Variants in BCO2 observed in about 807,000 individuals in gnomAD.
The protein encoded by BCO2 is beta-carotene oxygenase 2.
Under a neutral mutation model 65.8 loss-of-function variants are expected in BCO2, and 56 were observed. The ratio of observed to expected loss-of-function variants is 0.85; its 90% confidence interval spans 0.69 to 1.06. BCO2 has a LOEUF of 1.06. Among genes scored for constraint, BCO2 ranks in the 50% least tolerant of loss-of-function variants. The pLI is 0.00. For synonymous variants in BCO2, 233 were observed against 242.3 expected, an observed-to-expected ratio of 0.96 and a Z score of 0.36; for missense variants, 675 against 698.5, an observed-to-expected ratio of 0.97 and a Z score of 0.38.
rs1203055996 is a variant in BCO2, at chr11:112,184,728, G to A, written c.293+5246G>A. Among the ~76,000 whole-genome samples the A allele has an allele frequency of 5.9e-5, 9 of 151,684 alleles. No homozygotes were observed. The South Asian group carries it at 6.3e-4, about 11-fold the overall frequency. ...ACAAATTTTAGCCCAATTTTCTTGA[G>A]TCATTATCTTTCTGCAGCAGCAGAG... On this transcript the variant is annotated intron_variant, in intron 2 of 11. Transcript: ENST00000357685.
chr11:112,177,153 T>C (rs1348225379), intron 1 of BCO2, among the ~76,000 whole-genome samples: 1 of 152,200 alleles, frequency 6.6e-6, no homozygotes, highest in Non-Finnish European at 1.5e-5. Context: ...ATACCTGACC[T>C]TAGGGAATTT....
intron 8 of BCO2, among the ~76,000 whole-genome samples, chr11:112,206,488 G>A (rs762117907): frequency 7.2e-5 from 11 of 152,178 alleles, no homozygotes; most frequent in Non-Finnish European, 1.6e-4. Context: ...GCCAGGTGTG[G>A]TGGCTCACGC....
Position 112,216,398 on chromosome 11 carries a change from GCA to G in BCO2, c.1626+72_1626+73del. 2.7e-6 allele frequency: 3 copies of G among 1,126,670 alleles called. No individual in the cohort carries two copies. The Admixed American group carries it at 5.3e-5, about 20-fold the overall frequency. The allele number at this position is 1,126,670 out of a possible 1,614,324, so 69.8% of individuals were successfully genotyped here. A position where few individuals can be genotyped will look rare whatever the true frequency, so the allele number is the denominator to read the frequency against. ...CTGAGTCATCTGATAAATCAAGGAT[GCA>G]CACTCATCTGTCGATAGTTTACTTT... On this transcript the variant is annotated intron_variant, in intron 11 of 11. Coordinates refer to ENST00000357685, the MANE Select transcript of BCO2 (RefSeq NM_031938.7).
At chr11:112,189,028 C>G (rs11214121) in intron 2 of BCO2, among the ~76,000 whole-genome samples, 19,566 of 151,566 alleles carry the variant, frequency 0.13, 1,473 homozygotes, top group East Asian at 0.39. Flanking sequence ...TTAACATGGT[C>G]AAGAAGAAAA....
intron 8 of BCO2, among the ~76,000 whole-genome samples, chr11:112,206,405 G>T (rs1859341581): frequency 6.6e-6 from 1 of 152,238 alleles, no homozygotes; most frequent in African/African-American, 2.4e-5. Flanking sequence ...GCGGCGGCCG[G>T]CTTTTCCCAT....
chr11:112,191,529 G>C (rs1592845006), intron 2 of BCO2, among the ~76,000 whole-genome samples: 1 of 152,234 alleles, frequency 6.6e-6, no homozygotes, highest in East Asian at 1.9e-4. Flanking sequence ...CAACATCATA[G>C]AGATGTCCCA....
chr11:112,207,097 A>G (rs1040377618), intron 8 of BCO2, among the ~76,000 whole-genome samples: 15 of 152,194 alleles, frequency 9.9e-5, no homozygotes, highest in African/African-American at 3.1e-4. Flanking sequence ...TGGATTTTCT[A>G]TGTGCACAGT....
chr11:112,216,352 C>A, intron 11 of BCO2, 22 bp downstream of exon 11: 1 of 1,564,496 alleles, frequency 6.4e-7, no homozygotes, highest in Non-Finnish European at 8.8e-7. Flanking sequence ...TCCCTATCAC[C>A]AGTCAGAAAG....
intron 2 of BCO2, among the ~76,000 whole-genome samples, chr11:112,190,672 T>C (rs1025948322): frequency 3.8e-4 from 57 of 151,982 alleles, no homozygotes; most frequent in African/African-American, 1.3e-3. Context: ...CTGGCTAACA[T>C]GGTGAAACCC....
At chr11:112,179,509 T>G (rs1296747166) in intron 2 of BCO2, 27 bp downstream of exon 2, 7 of 1,595,268 alleles carry the variant, frequency 4.4e-6, no homozygotes, top group Non-Finnish European at 6.0e-6. Context: ...GAGAACAACT[T>G]GGATTTCTTG....
In BCO2 at chr11:112,182,493, C is replaced by T. The variant is rs563655556; in HGVS notation, c.293+3011C>T. 8.4e-4 allele frequency among the ~76,000 whole-genome samples: 128 copies of T among 152,292 alleles called. 1 individual carries two copies. Among genetic ancestry groups the T allele is most frequent in the African/African-American group, 3.0e-3 (123 of 41,552 alleles). ...TAGACTGGACTAAGAAAATGTGGCA[C>T]ATATACACCATGGAATACTATGCAG... is the stretch of plus-strand genomic sequence containing the variant. On this transcript the variant is annotated intron_variant, in intron 2 of 11. Transcript: ENST00000357685.
chr11:112,190,146 T>A (rs968513943), intron 2 of BCO2, among the ~76,000 whole-genome samples: 1 of 151,898 alleles, frequency 6.6e-6, no homozygotes, highest in Non-Finnish European at 1.5e-5. Flanking sequence ...AGTAGCCAAG[T>A]GTGGGGGCGT....
chr11:112,190,856 CAAAAA>C (rs945768260), intron 2 of BCO2, among the ~76,000 whole-genome samples: 1 of 62,306 alleles, frequency 1.6e-5, no homozygotes, highest in Admixed American at 1.7e-4. Context: ...GACTCTGTCT[CAAAAA>C]AAAAAAAAAA....
rs1463727003 is a variant in BCO2 at position 112,217,951 on chromosome 11, T to G, written c.*77T>G. 9.4e-7 allele frequency: 1 copy of G among 1,059,218 alleles called. No homozygotes were observed. The highest frequency in any genetic ancestry group is 2.4e-5 in the Admixed American group (1 of 41,014). 65.6% of individuals were successfully genotyped at this position (1,059,218 alleles called of 1,614,324 possible). On this transcript the variant is annotated 3_prime_UTR_variant, in exon 12 of 12. Coordinates refer to ENST00000357685, the MANE Select transcript of BCO2 (RefSeq NM_031938.7). ...ACATAAAGACTGGAGAAATAAACAC[T>G]GAGGACTCCAAAAGGGGGGCAAGGA...
intron 8 of BCO2, chr11:112,208,877 C>G (rs1239167703): frequency 1.7e-5 from 3 of 172,748 alleles, no homozygotes; most frequent in African/African-American, 7.2e-5. Context: ...TTGAATTTGT[C>G]CATTGTGGAG....
chr11:112,218,493 C>A lies in BCO2; in HGVS notation c.*619C>A. The A allele has an allele frequency of 3.7e-6, 1 of 269,144 alleles. No individual in the cohort carries two copies. Among genetic ancestry groups the A allele is most frequent in the Non-Finnish European group, 7.8e-6 (1 of 127,924 alleles). The allele number at this position is 269,144 out of a possible 1,614,324, so 16.7% of individuals were successfully genotyped here. A position where few individuals can be genotyped will look rare whatever the true frequency, so the allele number is the denominator to read the frequency against. On this transcript the variant is annotated 3_prime_UTR_variant, in exon 12 of 12. Transcript: ENST00000357685. ...ACTTTTGTCTGCCTGCACCCAACTG[C>A]AATGAGCCTATGTATGTCAAGTTGG...
At chr11:112,209,240 C>A (rs1168875846) in intron 8 of BCO2, among the ~76,000 whole-genome samples, 2 of 152,188 alleles carry the variant, frequency 1.3e-5, no homozygotes, top group South Asian at 2.1e-4. Context: ...TGTGCTCCCC[C>A]ATTCGTCCCT....
At chr11:112,188,160 C>T (rs995040191) in intron 2 of BCO2, among the ~76,000 whole-genome samples, 2 of 152,158 alleles carry the variant, frequency 1.3e-5, no homozygotes, top group East Asian at 1.9e-4. Flanking sequence ...CTCTCAAAAC[C>T]GAGCCATTGA....
intron 8 of BCO2, among the ~76,000 whole-genome samples, chr11:112,209,312 A>G (rs943232278): frequency 2.0e-5 from 3 of 152,086 alleles, no homozygotes; most frequent in African/African-American, 7.2e-5. Context: ...TGTAGTTTTG[A>G]CTTTTCCAGA....
Sources: gnomAD v4.1 joint callset for allele counts (sites outside exome capture counted in the v4.1 genomes callset) on GRCh38, gnomAD v4.1.1 for gene constraint, MANE v1.5 for transcripts, NCBI Gene and HGNC (gene_info 2026-07-23, HGNC 2026-07-21) for gene names.